The following PPP2R2B variants were observed in gnomAD, a reference collection of about 807,000 sequenced individuals.
The protein encoded by PPP2R2B is serine/threonine-protein phosphatase 2A 55 kDa regulatory subunit B beta isoform.
In PPP2R2B, 5 loss-of-function variants were observed where a neutral mutation model predicts 46.0. That is an observed-to-expected ratio of 0.11 (90% CI 0.06 to 0.23). PPP2R2B has a LOEUF of 0.23. Among genes scored for constraint, PPP2R2B ranks in the 10% least tolerant of loss-of-function variants. The pLI, the probability that PPP2R2B is intolerant of heterozygous loss-of-function variation, is 1.00. For missense variants in PPP2R2B, 367 were observed against 575.0 expected (o/e 0.64, Z 3.70); for synonymous variants, 215 against 206.7 (o/e 1.04, Z -0.34).
At chr5:146,672,164 T>C (rs1173022873) in intron 5 of PPP2R2B, among the ~76,000 whole-genome samples, 4 of 152,144 alleles carry the variant, frequency 2.6e-5, no homozygotes, top group African/African-American at 9.7e-5. Flanking sequence ...GCTTTCACAA[T>C]GGGAGACATC....
chr5:146,680,082 A>G (rs1778041989), intron 5 of PPP2R2B, among the ~76,000 whole-genome samples: 1 of 151,732 alleles, frequency 6.6e-6, no homozygotes, highest in African/African-American at 2.4e-5. Flanking sequence ...GCTGCTATAA[A>G]GACACATGCA....
intron 5 of PPP2R2B, among the ~76,000 whole-genome samples, chr5:146,677,208 C>G (rs1777787528): frequency 6.6e-6 from 1 of 152,140 alleles, no homozygotes. Context: ...GATAATTGGA[C>G]AGAGTTTTCG....
chr5:146,678,344 A>G (rs6887660), intron 5 of PPP2R2B, among the ~76,000 whole-genome samples: 2 of 143,442 alleles, frequency 1.4e-5, no homozygotes, highest in African/African-American at 5.7e-5. Context: ...ATTCAACAAC[A>G]CTTCATGCTA....
chr5:146,830,337 C>T (rs1439682477), intron 2 of PPP2R2B, among the ~76,000 whole-genome samples: 1 of 152,156 alleles, frequency 6.6e-6, no homozygotes, highest in Non-Finnish European at 1.5e-5. Flanking sequence ...CTATAAAAAA[C>T]TAGCTGTTAG....
intron 2 of PPP2R2B, among the ~76,000 whole-genome samples, chr5:146,837,081 T>C (rs1445900466): frequency 6.6e-6 from 1 of 152,244 alleles, no homozygotes. Context: ...CAGACAGTTA[T>C]GACTTAGGGT....
intron 7 of PPP2R2B, among the ~76,000 whole-genome samples, chr5:146,616,169 A>G (rs576999569): frequency 1.2e-4 from 18 of 152,296 alleles, no homozygotes; most frequent in African/African-American, 4.3e-4. Context: ...TGCTAGAAAA[A>G]CTGGATATCC....
intron 1 of PPP2R2B, among the ~76,000 whole-genome samples, chr5:147,003,796 T>C (rs958480548): frequency 6.6e-6 from 1 of 152,140 alleles, no homozygotes; most frequent in South Asian, 2.1e-4. Context: ...ATGTCCACCA[T>C]AGCTCAGGGA....
At chr5:147,024,529 A>C (rs994929755) in intron 1 of PPP2R2B, among the ~76,000 whole-genome samples, 2 of 152,176 alleles carry the variant, frequency 1.3e-5, no homozygotes, top group African/African-American at 4.8e-5. Context: ...CATTTTTAAA[A>C]AGTATATGTG....
Position 146,686,209 on chromosome 5 carries a change from C to A in PPP2R2B, c.447+4919G>T, listed in dbSNP as rs117381018. ...ATGTGCCATGGATTGTTCCAGGTGC[C>A]GGAGTTGCAGGAGAGAACAAAACAG... On this transcript the variant is annotated intron_variant, in intron 5 of 9. Coordinates refer to ENST00000394411, the MANE Select transcript of PPP2R2B (RefSeq NM_181675.4). Among the ~76,000 whole-genome samples, 43 of 152,212 alleles carry A rather than the reference C, an allele frequency of 2.8e-4. No homozygotes were observed. In the East Asian group the frequency reaches 8.3e-3, roughly 29 times the overall value.
intron 2 of PPP2R2B, among the ~76,000 whole-genome samples, chr5:146,726,108 G>C (rs775020413): frequency 5.3e-5 from 8 of 152,082 alleles, no homozygotes; most frequent in South Asian, 2.1e-4. Context: ...GAGGCACTAA[G>C]GAGTTAAAGG....
chr5:146,696,188 C>T (rs1424350109), intron 4 of PPP2R2B, among the ~76,000 whole-genome samples: 1 of 151,862 alleles, frequency 6.6e-6, no homozygotes, highest in Admixed American at 6.6e-5. Flanking sequence ...ACTCCAAGCC[C>T]CGCCTCCTGG....
chr5:146,851,815 G>A (rs2151382768), intron 2 of PPP2R2B, among the ~76,000 whole-genome samples: 1 of 151,546 alleles, frequency 6.6e-6, no homozygotes, highest in South Asian at 2.1e-4. Context: ...CATTTCAAGA[G>A]AGTCTTCATT....
intron 1 of PPP2R2B, among the ~76,000 whole-genome samples, chr5:146,992,368 T>TG (rs1753732404): frequency 6.6e-6 from 1 of 152,208 alleles, no homozygotes; most frequent in Admixed American, 6.5e-5. Flanking sequence ...TTTCAGCACT[T>TG]GAAAAAATGT....
intron 2 of PPP2R2B, among the ~76,000 whole-genome samples, chr5:146,733,708 G>GACACACACAA (rs1329947720): frequency 6.6e-6 from 1 of 151,636 alleles, no homozygotes; most frequent in Non-Finnish European, 1.5e-5. Context: ...ACCACACACA[G>GACACACACAA]ACACACACAC....
At chr5:146,648,187 A>G (rs1775712410) in intron 6 of PPP2R2B, among the ~76,000 whole-genome samples, 1 of 152,190 alleles carries the variant, frequency 6.6e-6, no homozygotes, top group Non-Finnish European at 1.5e-5. Flanking sequence ...CATGGCTCAG[A>G]GGAATCTCCC....
At chr5:146,848,742 T>G (rs1342235117) in intron 2 of PPP2R2B, among the ~76,000 whole-genome samples, 2 of 152,170 alleles carry the variant, frequency 1.3e-5, no homozygotes, top group Non-Finnish European at 2.9e-5. Flanking sequence ...AAAGAAGTCA[T>G]GATGTACAGC....
intron 2 of PPP2R2B, among the ~76,000 whole-genome samples, chr5:147,062,718 G>A (rs1261273976): frequency 6.6e-6 from 1 of 151,892 alleles, no homozygotes; most frequent in East Asian, 1.9e-4. Flanking sequence ...CTAAGATTTT[G>A]TATCTGCTTA....
intron 2 of PPP2R2B, among the ~76,000 whole-genome samples, chr5:146,772,439 TC>T (rs1754927358): frequency 6.9e-6 from 1 of 144,502 alleles, no homozygotes; most frequent in African/African-American, 2.6e-5. Flanking sequence ...TATACTTATT[TC>T]TAAATACAGA....
intron 1 of PPP2R2B, among the ~76,000 whole-genome samples, chr5:146,924,322 C>A (rs1178285624): frequency 1.3e-5 from 2 of 152,200 alleles, no homozygotes; most frequent in African/African-American, 4.8e-5. Flanking sequence ...CTGAAAAGCA[C>A]AAAGTCAGCA....
Sources: gnomAD v4.1 joint callset for allele counts (sites outside exome capture counted in the v4.1 genomes callset) on GRCh38, gnomAD v4.1.1 for gene constraint, MANE v1.5 for transcripts, NCBI Gene and HGNC (gene_info 2026-07-23, HGNC 2026-07-21) for gene names.